Variants in SESTD1 observed in about 807,000 individuals in gnomAD.
SESTD1 encodes SEC14 and spectrin domain containing 1.
Under a neutral mutation model 101.7 loss-of-function variants are expected in SESTD1, and 43 were observed. The ratio of observed to expected loss-of-function variants is 0.42; its 90% CI spans 0.33 to 0.55. SESTD1 has a LOEUF of 0.55. SESTD1 is among the 20% of genes least tolerant of loss of function. SESTD1 has a pLI of 0.07. For missense variants in SESTD1, 647 were observed against 815.1 expected (o/e 0.79, Z 2.51); for synonymous variants, 283 against 286.8 (o/e 0.99, Z 0.13).
intron 1 of SESTD1, among the ~76,000 whole-genome samples, chr2:179,231,738 A>T (rs1308938354): frequency 6.6e-6 from 1 of 151,482 alleles, no homozygotes; most frequent in Non-Finnish European, 1.5e-5. Flanking sequence ...AAAAAATTTA[A>T]AAAATTTAAA....
rs2044603410 is a variant in SESTD1, at chr2:179,115,266, AAAAGG to A, written c.1648-15_1648-11del. 3.2e-6 allele frequency: 5 copies of A among 1,559,028 alleles called. No homozygotes were observed. The highest frequency in any genetic ancestry group is 4.3e-6 in the Non-Finnish European group (5 of 1,157,812). On this transcript the variant is annotated splice_polypyrimidine_tract_variant and intron_variant, in intron 15 of 17. Transcript: ENST00000428443. ...CATAGTCATAAGTGCTCTAAAAAAG[AAAAGG>A]AAACATAAAATTGTAATAAAAGAAT... is the stretch of plus-strand genomic sequence containing the variant.
rs530922640 is a variant in SESTD1 at position 179,102,667 on chromosome 2, C to T, written c.*7232G>A. On this transcript the variant is annotated 3_prime_UTR_variant, in exon 18 of 18. Coordinates refer to ENST00000428443, the MANE Select transcript of SESTD1 (RefSeq NM_178123.5). Reference sequence around the variant, plus strand: ...TTTGAAAATGAGCATTAGAAACACACAGATGATTATAATTCTATAGACTAA... The same window carrying T: ...TTTGAAAATGAGCATTAGAAACACATAGATGATTATAATTCTATAGACTAA... The T allele has an allele frequency of 9.5e-4, 144 of 152,026 alleles. 1 individual carries two copies. The highest frequency in any genetic ancestry group is 3.2e-3 in the African/African-American group (132 of 41,474). 9.4% of individuals were successfully genotyped at this position (152,026 alleles called of 1,614,324 possible). A position where few individuals can be genotyped will look rare whatever the true frequency, so the allele number is the denominator to read the frequency against.
At chr2:179,175,932 G>C (rs4894082) in intron 4 of SESTD1, among the ~76,000 whole-genome samples, 1 of 151,952 alleles carries the variant, frequency 6.6e-6, no homozygotes, top group Non-Finnish European at 1.5e-5. Flanking sequence ...GACACAGCTG[G>C]TAAGTTTCTT....
chr2:179,187,412 C>G (rs574954685), intron 2 of SESTD1, among the ~76,000 whole-genome samples: 18 of 152,244 alleles, frequency 1.2e-4, no homozygotes, highest in Middle Eastern at 3.4e-3. Context: ...ATCACTTGAG[C>G]CCAGGAGTTT....
At chr2:179,210,753 A>G (rs981962500) in intron 1 of SESTD1, among the ~76,000 whole-genome samples, 1 of 134,552 alleles carries the variant, frequency 7.4e-6, no homozygotes, top group African/African-American at 2.9e-5. Context: ...ACTTGAAAGC[A>G]TTCCCCCTGA....
Position 179,200,929 on chromosome 2 carries a change from A to G in SESTD1, c.-25-9063T>C, listed in dbSNP as rs1356102399. Among the ~76,000 whole-genome samples, 2 of 134,430 alleles carry G rather than the reference A, an allele frequency of 1.5e-5. 1 individual carries two copies. The highest frequency in any genetic ancestry group is 3.2e-5 in the Non-Finnish European group (2 of 62,656). 88.2% of individuals were successfully genotyped at this position (134,430 alleles called of 152,430 possible). Reference sequence around the variant, plus strand: ...AAGACAAAATTGACAAATGGGATCTAATTAAACTCAAGAGCTTCTGCACAG... The same window carrying G: ...AAGACAAAATTGACAAATGGGATCTGATTAAACTCAAGAGCTTCTGCACAG... On this transcript the variant is annotated intron_variant, in intron 1 of 17. Transcript: ENST00000428443.
rs183606495 is a variant in SESTD1 at position 179,175,674 on chromosome 2, T to C, written c.255+774A>G. Among the ~76,000 whole-genome samples, 532 of 152,342 alleles carry C rather than the reference T, an allele frequency of 3.5e-3. 2 individuals carry two copies. The highest frequency in any genetic ancestry group is 6.2e-3 in the Non-Finnish European group (424 of 68,028). On this transcript the variant is annotated intron_variant, in intron 4 of 17. Transcript: ENST00000428443. ...AGAAGCCCTTCTACAGAAGGCCAAG[T>C]GCATGAGAGCAATCTGCCCTCCGCA...
rs949538967 is a variant in SESTD1, at chr2:179,107,550, A to T, written c.*2349T>A. On this transcript the variant is annotated 3_prime_UTR_variant, in exon 18 of 18. Coordinates refer to ENST00000428443, the MANE Select transcript of SESTD1 (RefSeq NM_178123.5). ...CAGAAGAAACAGATATTGAGTATTGATATTTAGTTATTGAGTATAACTAAA... is the reference window on the plus strand; with the variant it reads ...CAGAAGAAACAGATATTGAGTATTGTTATTTAGTTATTGAGTATAACTAAA... 1 of 152,166 alleles carries T rather than the reference A, an allele frequency of 6.6e-6. No individual in the cohort carries two copies. Among genetic ancestry groups the T allele is most frequent in the Admixed American group, 6.5e-5 (1 of 15,268 alleles). 9.4% of individuals were successfully genotyped at this position (152,166 alleles called of 1,614,324 possible). A position where few individuals can be genotyped will look rare whatever the true frequency, so the allele number is the denominator to read the frequency against.
chr2:179,140,831 C>T (rs891013948), intron 9 of SESTD1, among the ~76,000 whole-genome samples: 10 of 152,294 alleles, frequency 6.6e-5, no homozygotes, highest in Admixed American at 3.9e-4. Flanking sequence ...CTTACAACAG[C>T]GTTTGACAGG....
At chr2:179,257,114 G>A (rs555885460) in intron 1 of SESTD1, among the ~76,000 whole-genome samples, 4 of 151,532 alleles carry the variant, frequency 2.6e-5, no homozygotes, top group Admixed American at 6.6e-5. Flanking sequence ...CTGGTGGGTT[G>A]TTGTTTTTTT....
At chr2:179,222,259 GC>G (rs1401044569) in intron 1 of SESTD1, among the ~76,000 whole-genome samples, 1 of 152,214 alleles carries the variant, frequency 6.6e-6, no homozygotes, top group Non-Finnish European at 1.5e-5. Context: ...TGGCCTTGGA[GC>G]CAGGGTGTGA....
chr2:179,149,004 A>G (rs922326849), intron 7 of SESTD1, among the ~76,000 whole-genome samples: 11 of 137,968 alleles, frequency 8.0e-5, no homozygotes, highest in Middle Eastern at 3.7e-3. Flanking sequence ...AGCTTGCAGT[A>G]AGCCGAGATA....
At chr2:179,184,592 T>C (rs1023061174) in intron 2 of SESTD1, among the ~76,000 whole-genome samples, 2 of 152,178 alleles carry the variant, frequency 1.3e-5, no homozygotes, top group African/African-American at 4.8e-5. Flanking sequence ...CAAGTGGTTT[T>C]CAAACTGCAT....
rs2044435747 is a variant in SESTD1, at chr2:179,108,511, G to A, written c.*1388C>T. On this transcript the variant is annotated 3_prime_UTR_variant, in exon 18 of 18. Coordinates refer to ENST00000428443, the MANE Select transcript of SESTD1 (RefSeq NM_178123.5). ...AAGGTGCTGAGTAGTGAGTGATGAG[G>A]ATGTAGGGGCACTGGATGTGGATTT... The A allele has an allele frequency of 1.3e-5, 2 of 152,126 alleles. No individual in the cohort carries two copies. The allele number at this position is 152,126 out of a possible 1,614,324, so 9.4% of individuals were successfully genotyped here. A position where few individuals can be genotyped will look rare whatever the true frequency, so the allele number is the denominator to read the frequency against.
chr2:179,191,827 T>G lies in SESTD1; in HGVS notation c.15A>C (p.Val5=). 3 of 1,612,566 alleles carry G rather than the reference T, an allele frequency of 1.9e-6. No homozygotes were observed. The highest frequency in any genetic ancestry group is 2.5e-6 in the Non-Finnish European group (3 of 1,179,206). Residue 5 remains valine, a synonymous_variant, in exon 2 of 18, where the codon GTA becomes GTC. Transcript: ENST00000428443. Reference sequence around the variant, plus strand: ...GTTTTTTCTTCAGAATGGGTAATATTACTGAGGCCTCCATTTTACTCCAGT... The same window carrying G: ...GTTTTTTCTTCAGAATGGGTAATATGACTGAGGCCTCCATTTTACTCCAGT... The part of the protein sequence containing the change: MEAS[V]ILPILKKKLA...
chr2:179,251,866 A>G (rs925763631), intron 1 of SESTD1, among the ~76,000 whole-genome samples: 4 of 152,182 alleles, frequency 2.6e-5, no homozygotes, highest in African/African-American at 4.8e-5. Context: ...CTTGGATCCT[A>G]GATTTCCCAG....
intron 5 of SESTD1, among the ~76,000 whole-genome samples, chr2:179,159,720 G>A (rs976228649): frequency 7.9e-5 from 12 of 152,110 alleles, no homozygotes; most frequent in Non-Finnish European, 1.3e-4. Context: ...AGCCCTTGAA[G>A]AGACCACTAA....
intron 1 of SESTD1, among the ~76,000 whole-genome samples, chr2:179,196,099 G>A (rs1033134967): frequency 6.6e-6 from 1 of 152,222 alleles, no homozygotes; most frequent in Non-Finnish European, 1.5e-5. Flanking sequence ...GTGGGTGCAC[G>A]CACCATGTGC....
intron 1 of SESTD1, among the ~76,000 whole-genome samples, chr2:179,198,541 C>T (rs2046443716): frequency 6.6e-6 from 1 of 151,992 alleles, no homozygotes; most frequent in Non-Finnish European, 1.5e-5. Context: ...CCAAAATTGA[C>T]CACATACTTG....
Sources: gnomAD v4.1 joint callset for allele counts (sites outside exome capture counted in the v4.1 genomes callset) on GRCh38, gnomAD v4.1.1 for gene constraint, MANE v1.5 for transcripts, NCBI Gene and HGNC (gene_info 2026-07-23, HGNC 2026-07-21) for gene names.